LRP4: variants seen among roughly 807,000 people sequenced by gnomAD.
The protein encoded by LRP4 is LDL receptor related protein 4.
A neutral mutation model predicts 220.3 loss-of-function variants in LRP4; 95 were observed. The observed-to-expected ratio is 0.43, with a 90% CI of 0.37 to 0.51. LRP4 has a LOEUF of 0.51. Ranked by LOEUF, LRP4 falls within the 20% of genes least tolerant of loss-of-function variation. The probability of loss-of-function intolerance (pLI) is 0.00; values close to 1 mark genes in which losing one functional copy is unlikely to be tolerated. For synonymous variants in LRP4, 903 were observed against 954.6 expected, an observed-to-expected ratio of 0.95 and a Z score of 1.00; for missense variants, 1,925 against 2,567.0, an observed-to-expected ratio of 0.75 and a Z score of 5.40.
Position 46,918,492 on chromosome 11 carries a change from C to A in LRP4, c.-113G>T, listed in dbSNP as rs1421531669. The A allele has an allele frequency of 1.4e-5, 10 of 728,160 alleles. No homozygotes were observed. The highest frequency in any genetic ancestry group is 5.2e-4 in the Middle Eastern group (1 of 1,920). The allele number at this position is 728,160 out of a possible 1,614,324, so 45.1% of individuals were successfully genotyped here. ...AGCGTCCCGGGTGCACGGCGGCCTG[C>A]GCGCCCCGCAAGTCGCCCTCGGGCC... is the stretch of plus-strand genomic sequence containing the variant. On this transcript the variant is annotated 5_prime_UTR_variant, in exon 1 of 38. Transcript: ENST00000378623. The surrounding 1 kb of genome is among the most constrained non-coding windows in gnomAD (Gnocchi z 6.0).
At position 46,900,317 on chromosome 11, in the gene LRP4, G is replaced by A; in HGVS notation, c.261C>T (p.Ser87=). The stretch of plus-strand genomic sequence containing the variant: ...AGTCGTTGTCCCCGTCACACACCCA[G>A]GAGCGGCGGATGCACTTGCCATTGT... ...HCDNGKCIRR[S]WVCDGDNDCE... Residue 87 remains serine, a synonymous_variant, in exon 3 of 38, where the codon TCC becomes TCT. Transcript: ENST00000378623. 1 of 1,614,174 alleles carries A rather than the reference G, an allele frequency of 6.2e-7. No individual in the cohort carries two copies. Among genetic ancestry groups the A allele is most frequent in the Non-Finnish European group, 8.5e-7 (1 of 1,180,008 alleles).
chr11:46,889,839 C>A, intron 15 of LRP4, 105 bp downstream of exon 15: 2 of 1,309,712 alleles, frequency 1.5e-6, no homozygotes, highest in Non-Finnish European at 2.2e-6. Context: ...TGGATTTCCC[C>A]ATCAGAAGAA....
chr11:46,859,849 G>T (rs1940493417), intron 37 of LRP4, among the ~76,000 whole-genome samples: 2 of 152,130 alleles, frequency 1.3e-5, no homozygotes, highest in East Asian at 3.8e-4. Flanking sequence ...ATTTATTCAG[G>T]ATTTTAAGCT....
intron 20 of LRP4, among the ~76,000 whole-genome samples, chr11:46,881,386 C>T (rs1253270360): frequency 6.6e-6 from 1 of 152,186 alleles, no homozygotes; most frequent in Non-Finnish European, 1.5e-5. Flanking sequence ...GCCCACAGTG[C>T]AACTGGTAAT....
intron 1 of LRP4, among the ~76,000 whole-genome samples, chr11:46,910,049 G>A (rs1448454656): frequency 6.6e-6 from 1 of 152,136 alleles, no homozygotes; most frequent in East Asian, 1.9e-4. Flanking sequence ...TGGTTGGTTT[G>A]GAAAATCTAC....
At chr11:46,874,069 G>T in intron 28 of LRP4, 1 of 178,382 alleles carries the variant, frequency 5.6e-6, no homozygotes, top group Non-Finnish European at 1.2e-5. Context: ...GCCTCCCAAA[G>T]TGCTGGGATT....
chr11:46,873,438 C>A lies in LRP4; in HGVS notation c.4385G>T (p.Arg1462Leu). ...CAGGCTATTGTTGATCAGTACTTTGCGGCAGGAACCATCCAGCCTGGACGC... is the reference window on the plus strand; with the variant it reads ...CAGGCTATTGTTGATCAGTACTTTGAGGCAGGAACCATCCAGCCTGGACGC... ...IEASRLDGSC[R>L]KVLINNSLDE... Residue 1462 changes from arginine (R) to leucine (L), a missense_variant, in exon 29 of 38, where the codon CGC (arginine) becomes CTC (leucine). By Grantham distance (102) the Arg-to-Leu change is moderately radical. Transcript: ENST00000378623. The surrounding 1 kb of genome is among the most constrained non-coding windows in gnomAD (Gnocchi z 4.2). 2 of 1,614,166 alleles carry A rather than the reference C, an allele frequency of 1.2e-6. No homozygotes were observed. Among genetic ancestry groups the A allele is most frequent in the Admixed American group, 1.7e-5 (1 of 60,014 alleles).
At chr11:46,869,736 C>T (rs577200906) in intron 31 of LRP4, among the ~76,000 whole-genome samples, 1 of 152,210 alleles carries the variant, frequency 6.6e-6, no homozygotes, top group Non-Finnish European at 1.5e-5. Flanking sequence ...GACTGAAAAA[C>T]CTATATGCAG....
At chr11:46,917,563 C>A (rs1190471730) in intron 1 of LRP4, among the ~76,000 whole-genome samples, 2 of 152,196 alleles carry the variant, frequency 1.3e-5, no homozygotes, top group Non-Finnish European at 2.9e-5. Flanking sequence ...CGGCTGCCTT[C>A]TGGGGTTCAG....
chr11:46,884,762 T>A (rs1328753445), intron 18 of LRP4, among the ~76,000 whole-genome samples: 10 of 128,374 alleles, frequency 7.8e-5, no homozygotes, highest in African/African-American at 2.8e-4. Context: ...AAAAAAAAAA[T>A]TAGCTGGGTG....
Position 46,875,132 on chromosome 11 carries a change from C to G in LRP4, c.3926-29G>C. ...GTGATGAGAAGCACAAGTATTCACA[C>G]CTAGCCTGGAACATCATCTGAATCT... is the stretch of plus-strand genomic sequence containing the variant. On this transcript the variant is annotated intron_variant, in intron 27 of 37. Transcript: ENST00000378623. The surrounding 1 kb of genome is among the most constrained non-coding windows in gnomAD (Gnocchi z 4.5). 1 of 1,603,770 alleles carries G rather than the reference C, an allele frequency of 6.2e-7. No individual in the cohort carries two copies. The highest frequency in any genetic ancestry group is 8.5e-7 in the Non-Finnish European group (1 of 1,176,348).
chr11:46,913,564 T>C (rs530092686), intron 1 of LRP4, among the ~76,000 whole-genome samples: 1 of 152,234 alleles, frequency 6.6e-6, no homozygotes, highest in East Asian at 1.9e-4. Context: ...AGCTCCCAAA[T>C]TGGGGCAATT....
chr11:46,864,776 A>G (rs558869377), intron 35 of LRP4, among the ~76,000 whole-genome samples: 1 of 152,226 alleles, frequency 6.6e-6, no homozygotes, highest in Non-Finnish European at 1.5e-5. Flanking sequence ...TATCTGACAT[A>G]AGGCAAGATG....
rs576719115 is a variant in LRP4 at position 46,861,523 on chromosome 11, C to CTTTTTTTTTT, written c.5385+1073_5385+1082dup. 7.4e-4 allele frequency among the ~76,000 whole-genome samples: 62 copies of CTTTTTTTTTT among 83,486 alleles called. 4 individuals carry two copies. Among genetic ancestry groups the CTTTTTTTTTT allele is most frequent in the East Asian group, 1.9e-3 (4 of 2,160 alleles). The allele number at this position is 83,486 out of a possible 152,430, so 54.8% of individuals were successfully genotyped here. ...AGTTAGTTTCCTTGTGGAAATGGGA[C>CTTTTTTTTTT]TTTTTTTTTTTTTTTTTTTTTTGAG... On this transcript the variant is annotated intron_variant, in intron 37 of 37. Coordinates refer to ENST00000378623, the MANE Select transcript of LRP4 (RefSeq NM_002334.4).
chr11:46,861,058 T>G (rs1220658997), intron 37 of LRP4: 2 of 562,348 alleles, frequency 3.6e-6, no homozygotes, highest in Non-Finnish European at 4.5e-6. Context: ...TGGCCTTCAT[T>G]GTGGTTCTTT....
At position 46,900,582 on chromosome 11, in the gene LRP4, C is replaced by G. The variant is rs57368576; in HGVS notation, c.200-204G>C. On this transcript the variant is annotated intron_variant, in intron 2 of 37. Coordinates refer to ENST00000378623, the MANE Select transcript of LRP4 (RefSeq NM_002334.4). ...TGCCTCCTGGTTCAGGCGATTCTGA[C>G]TCAGCCTCCCAAGTAGCTGGGATTA... Among the ~76,000 whole-genome samples the G allele has an allele frequency of 0.15, 22,498 of 151,804 alleles. 2,542 individuals carry two copies. The highest frequency in any genetic ancestry group is 0.32 in the African/African-American group (13,310 of 41,326).
intron 1 of LRP4, among the ~76,000 whole-genome samples, chr11:46,909,278 A>G (rs1941812927): frequency 6.6e-6 from 1 of 151,724 alleles, no homozygotes; most frequent in Non-Finnish European, 1.5e-5. Flanking sequence ...TCTGGTGGCT[A>G]CCCCAGTGTG....
chr11:46,882,918 A>G (rs1941197564), intron 19 of LRP4, among the ~76,000 whole-genome samples: 1 of 152,070 alleles, frequency 6.6e-6, no homozygotes, highest in Non-Finnish European at 1.5e-5. Context: ...GGAAAGACAC[A>G]CAAGATATAA....
rs776868704 is a variant in LRP4, at chr11:46,873,152, T to G, written c.4531A>C (p.Asn1511His). Residue 1511 changes from asparagine (N) to histidine (H), a missense_variant, in exon 30 of 38, where the codon AAC (asparagine) becomes CAC (histidine). By Grantham distance (68) the Asn-to-His change is moderately conservative. Coordinates refer to ENST00000378623, the MANE Select transcript of LRP4 (RefSeq NM_002334.4). This position sits in a 1 kb window ranked among gnomAD's most constrained non-coding sequence, Gnocchi z 4.2. Reference protein sequence around the residue: ...LDGSERKVLINTDLGWPNGLT... With the variant: ...LDGSERKVLIHTDLGWPNGLT... ...CCATTGGGCCAACCCAGGTCTGTGT[T>G]GATGAGGACCTTCCGCTCAGAACCA... is the stretch of plus-strand genomic sequence containing the variant. The G allele has an allele frequency of 6.2e-7, 1 of 1,614,194 alleles. No homozygotes were observed.
Sources: allele counts gnomAD v4.1 joint callset (sites outside exome capture counted in the v4.1 genomes callset), GRCh38; gene constraint gnomAD v4.1.1; non-coding constraint Gnocchi (gnomAD v3.1); transcripts MANE v1.5; gene names NCBI Gene and HGNC (gene_info 2026-07-23, HGNC 2026-07-21).